Variants in PRKN observed in about 807,000 individuals in gnomAD.
The protein encoded by PRKN is parkin RBR E3 ubiquitin protein ligase, also known as E3 ubiquitin-protein ligase parkin.
A neutral mutation model predicts 59.5 loss-of-function variants in PRKN; 56 were observed. The observed-to-expected ratio is 0.94, with a 90% CI of 0.76 to 1.18. The LOEUF is 1.18. Ranked by LOEUF, PRKN falls within the 50% of genes most tolerant of loss-of-function variation. The pLI is 0.00. For missense variants in PRKN, 657 were observed against 596.4 expected (o/e 1.10, Z -1.06); for synonymous variants, 250 against 222.1 (o/e 1.13, Z -1.12).
At chr6:162,676,068 T>C (rs2128231396) in intron 1 of PRKN, among the ~76,000 whole-genome samples, 1 of 152,276 alleles carries the variant, frequency 6.6e-6, no homozygotes, top group Admixed American at 6.5e-5. Flanking sequence ...TGAGTTGTGT[T>C]AAGGATGATG....
Position 162,245,399 on chromosome 6 carries a change from T to A in PRKN, c.412+17126A>T, listed in dbSNP as rs373061870. Among the ~76,000 whole-genome samples, 101 of 152,176 alleles carry A rather than the reference T, an allele frequency of 6.6e-4. 2 individuals are homozygous for A. In the South Asian group the frequency reaches 0.019, roughly 29 times the overall value. On this transcript the variant is annotated intron_variant, in intron 3 of 11. Coordinates refer to ENST00000366898, the MANE Select transcript of PRKN (RefSeq NM_004562.3). ...CTATCTATAATCAAGACACTAATTT[T>A]TCCAAAGCCTTTTGAACCAATTTAT...
chr6:162,290,508 T>C (rs1215531594), intron 2 of PRKN, among the ~76,000 whole-genome samples: 1 of 152,188 alleles, frequency 6.6e-6, no homozygotes, highest in Non-Finnish European at 1.5e-5. Context: ...TATTCAAATG[T>C]CCATGTTAAA....
chr6:162,631,556 T>C (rs1562452949), intron 1 of PRKN, among the ~76,000 whole-genome samples: 1 of 152,146 alleles, frequency 6.6e-6, no homozygotes, highest in Non-Finnish European at 1.5e-5. Context: ...TTTTGCTTCT[T>C]GATTTGTTAG....
At chr6:162,022,240 T>C (rs1238532235) in intron 5 of PRKN, among the ~76,000 whole-genome samples, 1 of 152,164 alleles carries the variant, frequency 6.6e-6, no homozygotes, top group African/African-American at 2.4e-5. Flanking sequence ...GAGTTCTATT[T>C]TTAGTTCTCT....
intron 3 of PRKN, among the ~76,000 whole-genome samples, chr6:162,216,523 C>G (rs193135337): frequency 0.023 from 2,606 of 115,648 alleles, 73 homozygotes; most frequent in African/African-American, 0.083. Context: ...GGCGACAGAG[C>G]GAGACTCCGT....
At chr6:162,710,391 A>ACACACG (rs1778490130) in intron 1 of PRKN, among the ~76,000 whole-genome samples, 1 of 150,436 alleles carries the variant, frequency 6.6e-6, no homozygotes, top group Non-Finnish European at 1.5e-5. Flanking sequence ...ACACACACAC[A>ACACACG]CACACACACA....
chr6:161,597,627 T>G (rs1471401904), intron 7 of PRKN, among the ~76,000 whole-genome samples: 1 of 152,114 alleles, frequency 6.6e-6, no homozygotes, highest in African/African-American at 2.4e-5. Context: ...TCTCTCTCTC[T>G]GGAGTGGAGA....
chr6:161,449,121 G>A (rs908884578), intron 9 of PRKN, among the ~76,000 whole-genome samples: 6 of 152,188 alleles, frequency 3.9e-5, no homozygotes, highest in African/African-American at 1.4e-4. Flanking sequence ...AAAAGAAGCT[G>A]TGTGTATTAT....
intron 2 of PRKN, among the ~76,000 whole-genome samples, chr6:162,363,107 GAC>G (rs1303573782): frequency 2.3e-5 from 3 of 133,064 alleles, no homozygotes; most frequent in Middle Eastern, 0.011. Context: ...CAGCCTGGGT[GAC>G]AGAGCGAGAC....
intron 1 of PRKN, among the ~76,000 whole-genome samples, chr6:162,493,850 C>T (rs1228175884): frequency 1.3e-5 from 2 of 152,164 alleles, no homozygotes; most frequent in Non-Finnish European, 2.9e-5. Context: ...CTCTCACCAG[C>T]TGGCCTCATC....
intron 1 of PRKN, among the ~76,000 whole-genome samples, chr6:162,470,339 T>C (rs1481853008): frequency 1.3e-5 from 2 of 152,146 alleles, no homozygotes; most frequent in African/African-American, 2.4e-5. Flanking sequence ...AGCAGCTAAC[T>C]TAGGCAAAGT....
chr6:161,680,186 A>G (rs1048812946), intron 7 of PRKN, among the ~76,000 whole-genome samples: 8 of 152,212 alleles, frequency 5.3e-5, no homozygotes, highest in African/African-American at 1.7e-4. Context: ...CACATCATAA[A>G]GGATGTGAAG....
intron 1 of PRKN, among the ~76,000 whole-genome samples, chr6:162,716,790 A>C: frequency 6.7e-6 from 1 of 150,342 alleles, no homozygotes; most frequent in East Asian, 2.0e-4. Context: ...ACACGCGCAC[A>C]CACACACACA....
At chr6:161,443,495 G>A (rs189750029) in intron 9 of PRKN, among the ~76,000 whole-genome samples, 3 of 152,242 alleles carry the variant, frequency 2.0e-5, no homozygotes, top group East Asian at 1.9e-4. Flanking sequence ...AGGTACTCAC[G>A]CAATGCCCGC....
chr6:161,709,833 T>C (rs996535119), intron 7 of PRKN, among the ~76,000 whole-genome samples: 2 of 152,144 alleles, frequency 1.3e-5, no homozygotes, highest in African/African-American at 4.8e-5. Context: ...ATGAATAAAA[T>C]TACCCCAAAA....
chr6:162,614,819 TAC>T (rs1305922157), intron 1 of PRKN, among the ~76,000 whole-genome samples: 2 of 152,202 alleles, frequency 1.3e-5, no homozygotes, highest in Non-Finnish European at 1.5e-5. Flanking sequence ...AAGAGCCATA[TAC>T]ACAGTTTAGT....
At chr6:162,464,893 G>GC (rs35031433) in intron 1 of PRKN, among the ~76,000 whole-genome samples, 51 of 151,522 alleles carry the variant, frequency 3.4e-4, no homozygotes, top group African/African-American at 9.4e-4. Context: ...AGTTTTAAGA[G>GC]CCCCCCCTCC....
At chr6:162,249,846 C>T (rs1779349738) in intron 3 of PRKN, among the ~76,000 whole-genome samples, 1 of 151,836 alleles carries the variant, frequency 6.6e-6, no homozygotes. Flanking sequence ...CAAAACAAAA[C>T]AAAACGAAAC....
chr6:161,942,715 G>C (rs1244656217), intron 6 of PRKN, among the ~76,000 whole-genome samples: 2 of 152,056 alleles, frequency 1.3e-5, no homozygotes, highest in African/African-American at 4.8e-5. Flanking sequence ...TACATCAACA[G>C]AGTAAATGGG....
Sources: allele counts gnomAD v4.1 joint callset (sites outside exome capture counted in the v4.1 genomes callset), GRCh38; gene constraint gnomAD v4.1.1; transcripts MANE v1.5; gene names NCBI Gene and HGNC (gene_info 2026-07-23, HGNC 2026-07-21).